Variants in HS6ST2 observed in about 807,000 individuals in gnomAD.
HS6ST2 encodes heparan-sulfate 6-O-sulfotransferase 2.
In HS6ST2, 17 loss-of-function variants were observed where a neutral mutation model predicts 33.0. The ratio of observed to expected loss-of-function variants is 0.52; its 90% CI spans 0.35 to 0.77. The LOEUF is 0.77. HS6ST2 is among the 30% of genes least tolerant of loss of function. The pLI is 0.01. For synonymous variants in HS6ST2, 248 were observed against 237.1 expected (o/e 1.05, Z -0.42); for missense variants, 519 against 551.7 (o/e 0.94, Z 0.59).
At chrX:132,767,078 G>A (rs1384885241) in intron 2 of HS6ST2, among the ~76,000 whole-genome samples, 1 of 111,676 alleles carries the variant, frequency 9.0e-6, no homozygotes, top group Non-Finnish European at 1.9e-5. Flanking sequence ...GTTCTAGGTA[G>A]GCAAAAAAGG....
At position 132,892,556 on chromosome X, in the gene HS6ST2, C is replaced by T. The variant is rs373700587; in HGVS notation, c.947+64252G>A. Among the ~76,000 whole-genome samples the T allele has an allele frequency of 1.2e-4, 13 of 112,589 alleles. No homozygotes were observed. The South Asian group carries it at 3.3e-3, about 29-fold the overall frequency. On this transcript the variant is annotated intron_variant, in intron 2 of 4. Coordinates refer to ENST00000370833, the MANE Select transcript of HS6ST2 (RefSeq NM_001394073.1). Reference sequence around the variant, plus strand: ...AACACAGGCTGGGCATGGTGGCTCACGCCTGTAATCCCAGCATTTTGGGAG... The same window carrying T: ...AACACAGGCTGGGCATGGTGGCTCATGCCTGTAATCCCAGCATTTTGGGAG...
chrX:132,722,497 T>A (rs1207722470), intron 2 of HS6ST2, among the ~76,000 whole-genome samples: 4 of 111,985 alleles, frequency 3.6e-5, no homozygotes, highest in Admixed American at 9.5e-5. Context: ...AGGTAATTTT[T>A]AAAATAAATC....
intron 2 of HS6ST2, among the ~76,000 whole-genome samples, chrX:132,937,301 G>GTCAAAAT (rs1485795638): frequency 8.9e-6 from 1 of 111,806 alleles, no homozygotes; most frequent in East Asian, 2.8e-4. Flanking sequence ...TGCAATCCCT[G>GTCAAAAT]TCAAAATACC....
At chrX:132,736,950 A>G in intron 2 of HS6ST2, among the ~76,000 whole-genome samples, 1 of 112,126 alleles carries the variant, frequency 8.9e-6, no homozygotes. Context: ...TGAGTTTATA[A>G]GAATATTGGT....
chrX:132,943,665 C>G (rs1569505544), intron 2 of HS6ST2, among the ~76,000 whole-genome samples: 1 of 111,253 alleles, frequency 9.0e-6, no homozygotes, highest in Non-Finnish European at 1.9e-5. Context: ...CCACCATGAT[C>G]AAGTGGGCTT....
chrX:132,868,615 G>A (rs1252605340), intron 2 of HS6ST2, among the ~76,000 whole-genome samples: 1 of 112,079 alleles, frequency 8.9e-6, no homozygotes, highest in East Asian at 2.8e-4. Context: ...TAGAATTCAG[G>A]ATTAAGAACC....
chrX:132,863,396 T>C (rs1365929830), intron 2 of HS6ST2, among the ~76,000 whole-genome samples: 2 of 111,348 alleles, frequency 1.8e-5, no homozygotes, highest in African/African-American at 6.5e-5. Flanking sequence ...CATGGCTCAC[T>C]GCAGCCCCCA....
At chrX:132,739,530 C>T (rs1055407796) in intron 2 of HS6ST2, among the ~76,000 whole-genome samples, 3 of 110,307 alleles carry the variant, frequency 2.7e-5, no homozygotes, top group Non-Finnish European at 5.7e-5. Flanking sequence ...GCCTGGCCAA[C>T]ATGGTTAAAC....
chrX:132,782,688 G>A (rs1175701649), intron 2 of HS6ST2, among the ~76,000 whole-genome samples: 5 of 111,583 alleles, frequency 4.5e-5, no homozygotes, highest in Non-Finnish European at 9.4e-5. Flanking sequence ...AAGCTTAGGA[G>A]AGAGGTCAGG....
intron 2 of HS6ST2, among the ~76,000 whole-genome samples, chrX:132,828,693 T>TATACACACACACACAC (rs1337972849): frequency 1.1e-4 from 8 of 72,938 alleles, no homozygotes; most frequent in Non-Finnish European, 2.0e-4. Context: ...TATATATATA[T>TATACACACACACACAC]ACACACACAC....
chrX:132,764,861 T>C (rs1236367795), intron 2 of HS6ST2, among the ~76,000 whole-genome samples: 1 of 111,985 alleles, frequency 8.9e-6, no homozygotes, highest in African/African-American at 3.2e-5. Flanking sequence ...ATTCTACATT[T>C]TTGGACATTT....
At chrX:132,723,408 A>G (rs1267654837) in intron 2 of HS6ST2, among the ~76,000 whole-genome samples, 1 of 112,020 alleles carries the variant, frequency 8.9e-6, no homozygotes, top group Non-Finnish European at 1.9e-5. Context: ...ATGAATATTG[A>G]TGCAGAAATC....
At chrX:132,737,117 G>A (rs5977741) in intron 2 of HS6ST2, among the ~76,000 whole-genome samples, 1 of 111,302 alleles carries the variant, frequency 9.0e-6, no homozygotes, top group African/African-American at 3.3e-5. Flanking sequence ...CTGAGGCTCA[G>A]AAGGGAGGTA....
At chrX:132,659,399 C>T (rs1169773971) in intron 4 of HS6ST2, among the ~76,000 whole-genome samples, 1 of 111,853 alleles carries the variant, frequency 8.9e-6, no homozygotes, top group African/African-American at 3.2e-5. Flanking sequence ...CTCCCCACTT[C>T]CCATTCTTAG....
intron 4 of HS6ST2, among the ~76,000 whole-genome samples, chrX:132,638,310 C>T (rs2063577330): frequency 9.0e-6 from 1 of 110,577 alleles, no homozygotes; most frequent in South Asian, 3.8e-4. Flanking sequence ...ACCCCTTAAG[C>T]CCTGGAGGTG....
intron 2 of HS6ST2, among the ~76,000 whole-genome samples, chrX:132,945,584 AG>A (rs1426818218): frequency 9.0e-6 from 1 of 110,783 alleles, no homozygotes. Flanking sequence ...TAGTCACAAT[AG>A]CAAAGACCTG....
At chrX:132,861,803 T>C (rs1316144193) in intron 2 of HS6ST2, among the ~76,000 whole-genome samples, 1 of 111,992 alleles carries the variant, frequency 8.9e-6, no homozygotes, top group Non-Finnish European at 1.9e-5. Context: ...CCCTTGTCTT[T>C]CTTATTCGTT....
chrX:132,839,660 T>G (rs1009968563), intron 2 of HS6ST2, among the ~76,000 whole-genome samples: 8 of 110,291 alleles, frequency 7.3e-5, no homozygotes, highest in Non-Finnish European at 3.8e-5. Flanking sequence ...AATATATCCA[T>G]GTAACAAAAC....
At chrX:132,930,737 TAA>T (rs1353432970) in intron 2 of HS6ST2, among the ~76,000 whole-genome samples, 2 of 110,985 alleles carry the variant, frequency 1.8e-5, no homozygotes, top group Non-Finnish European at 3.8e-5. Context: ...TAGGCAGCAC[TAA>T]GAGAGACCAG....
Sources: allele counts gnomAD v4.1 joint callset (sites outside exome capture counted in the v4.1 genomes callset), GRCh38; gene constraint gnomAD v4.1.1; transcripts MANE v1.5; gene names NCBI Gene and HGNC (gene_info 2026-07-23, HGNC 2026-07-21).